Variants in SAMD5 observed in about 807,000 individuals in gnomAD.
The protein encoded by SAMD5 is sterile alpha motif domain containing 5.
In SAMD5, 13 loss-of-function variants were observed where a neutral mutation model predicts 11.3. That is an observed-to-expected ratio of 1.15 (90% CI 0.75 to 1.83). The LOEUF (loss-of-function observed/expected upper bound fraction) is 1.83, where lower values mean the gene tolerates loss of function less well. Among genes scored for constraint, SAMD5 ranks in the 40% most tolerant of loss-of-function variants. The probability of loss-of-function intolerance (pLI) is 0.00; values close to 1 mark genes in which losing one functional copy is unlikely to be tolerated. For missense variants in SAMD5, 255 were observed against 239.1 expected (o/e 1.07, Z -0.44); for synonymous variants, 129 against 111.3 (o/e 1.16, Z -1.00).
chr6:147,700,739 A>G (rs1430610951), intron 1 of SAMD5, among the ~76,000 whole-genome samples: 1 of 152,258 alleles, frequency 6.6e-6, no homozygotes, highest in African/African-American at 2.4e-5. Flanking sequence ...GTATTATTTT[A>G]CAGAGTAAAG....
chr6:147,883,740 A>G, the SAMD5 span, among the ~76,000 whole-genome samples: 1 of 152,194 alleles, frequency 6.6e-6, no homozygotes, highest in Non-Finnish European at 1.5e-5. Flanking sequence ...ACATTTTGAC[A>G]TTAATCAGTT....
At chr6:147,872,587 C>T in the SAMD5 span, among the ~76,000 whole-genome samples, 1 of 152,146 alleles carries the variant, frequency 6.6e-6, no homozygotes, top group Admixed American at 6.5e-5. Context: ...AGGCAAGAAG[C>T]TGGATTTGAA....
intron 1 of SAMD5, among the ~76,000 whole-genome samples, chr6:147,621,476 A>G (rs1466066607): frequency 2.0e-5 from 3 of 150,846 alleles, no homozygotes; most frequent in African/African-American, 7.3e-5. Context: ...CAGCCACTTC[A>G]GGAATCCATC....
At chr6:147,686,920 A>C (rs1791020274) in intron 1 of SAMD5, among the ~76,000 whole-genome samples, 1 of 152,258 alleles carries the variant, frequency 6.6e-6, no homozygotes, top group Middle Eastern at 3.4e-3. Flanking sequence ...TCTGGGATAC[A>C]TGTGCCGAAC....
At chr6:147,921,325 G>A in the SAMD5 span, among the ~76,000 whole-genome samples, 2 of 123,712 alleles carry the variant, frequency 1.6e-5, no homozygotes, top group Non-Finnish European at 3.4e-5. Context: ...TTCAAAACCA[G>A]AAGAAGAAGA....
At chr6:147,887,018 G>C in the SAMD5 span, among the ~76,000 whole-genome samples, 916 of 152,310 alleles carry the variant, frequency 6.0e-3, 6 homozygotes, top group African/African-American at 0.02. Flanking sequence ...GCCCAGCAAA[G>C]CAGTGCTCAT....
downstream of SAMD5, among the ~76,000 whole-genome samples, chr6:147,573,697 A>T (rs1789171775): frequency 2.0e-5 from 3 of 152,194 alleles, no homozygotes; most frequent in South Asian, 6.2e-4. Context: ...TAAGATAATG[A>T]TAGAGGATTT....
At chr6:147,803,403 T>C in the SAMD5 span, among the ~76,000 whole-genome samples, 6 of 152,318 alleles carry the variant, frequency 3.9e-5, no homozygotes, top group South Asian at 6.2e-4. Flanking sequence ...ATTGGTCTCC[T>C]ACACAATGTT....
chr6:147,644,844 T>A (rs1287112093), intron 1 of SAMD5, among the ~76,000 whole-genome samples: 1 of 152,146 alleles, frequency 6.6e-6, no homozygotes, highest in African/African-American at 2.4e-5. Context: ...AGACATGGGA[T>A]TCATGGAAAC....
intron 1 of SAMD5, among the ~76,000 whole-genome samples, chr6:147,615,676 C>T (rs980333836): frequency 1.3e-5 from 2 of 152,172 alleles, no homozygotes; most frequent in African/African-American, 4.8e-5. Context: ...AGTATTAGCA[C>T]AATCCAAATA....
At chr6:147,768,709 A>G in the SAMD5 span, among the ~76,000 whole-genome samples, 11 of 152,324 alleles carry the variant, frequency 7.2e-5, no homozygotes, top group East Asian at 1.7e-3. Flanking sequence ...TTTGATACAT[A>G]TTTAAATTGT....
chr6:147,664,756 C>T (rs1790693033), intron 1 of SAMD5, among the ~76,000 whole-genome samples: 1 of 151,908 alleles, frequency 6.6e-6, no homozygotes. Context: ...ATATGAAATT[C>T]AGAAGCATAA....
the SAMD5 span, among the ~76,000 whole-genome samples, chr6:147,855,355 A>C: frequency 2.0e-5 from 3 of 152,160 alleles, no homozygotes; most frequent in Non-Finnish European, 4.4e-5. Context: ...TAAAATGAGA[A>C]ATTGTGTGTC....
intron 1 of SAMD5, among the ~76,000 whole-genome samples, chr6:147,735,507 A>T (rs965169624): frequency 3.3e-5 from 5 of 152,200 alleles, no homozygotes; most frequent in Admixed American, 6.5e-5. Context: ...GAGGGAAAGG[A>T]TCTGTAATCA....
At chr6:147,811,900 A>G in the SAMD5 span, among the ~76,000 whole-genome samples, 2 of 152,184 alleles carry the variant, frequency 1.3e-5, no homozygotes, top group Admixed American at 1.3e-4. Context: ...TCCAGAACAG[A>G]AATCTGAGCT....
At chr6:147,549,029 A>G (rs530828028) in intron 1 of SAMD5, among the ~76,000 whole-genome samples, 2 of 152,138 alleles carry the variant, frequency 1.3e-5, no homozygotes, top group Non-Finnish European at 2.9e-5. Context: ...CTTAGTCACA[A>G]TGACTGGCAG....
chr6:147,604,708 T>G (rs1789674707), intron 1 of SAMD5, among the ~76,000 whole-genome samples: 1 of 152,192 alleles, frequency 6.6e-6, no homozygotes, highest in Non-Finnish European at 1.5e-5. Context: ...TCATGGAATA[T>G]GTGAACCAAA....
intron 1 of SAMD5, among the ~76,000 whole-genome samples, chr6:147,709,660 C>T (rs1399701836): frequency 6.6e-6 from 1 of 152,170 alleles, no homozygotes; most frequent in East Asian, 1.9e-4. Context: ...GTGATAACAG[C>T]AGGTATTCAC....
chr6:147,539,225 A>C (rs2128441840), intron 1 of SAMD5, among the ~76,000 whole-genome samples: 1 of 152,302 alleles, frequency 6.6e-6, no homozygotes, highest in Admixed American at 6.5e-5. Flanking sequence ...GCTACTCTGC[A>C]TTTCATTGCA....
Sources: allele counts gnomAD v4.1 joint callset (sites outside exome capture counted in the v4.1 genomes callset), GRCh38; gene constraint gnomAD v4.1.1; transcripts MANE v1.5; gene names NCBI Gene and HGNC (gene_info 2026-07-23, HGNC 2026-07-21).